NAF1: variants seen among roughly 807,000 people sequenced by gnomAD.
NAF1 encodes nuclear assembly factor 1 ribonucleoprotein.
In NAF1, 11 loss-of-function variants were observed where a neutral mutation model predicts 40.6. The ratio of observed to expected loss-of-function variants is 0.27; its 90% confidence interval spans 0.17 to 0.45. NAF1 has a LOEUF of 0.45. NAF1 is among the 20% of genes least tolerant of loss of function. The pLI, the probability that NAF1 is intolerant of heterozygous loss-of-function variation, is 1.00. For synonymous variants in NAF1, 260 were observed against 228.5 expected, an observed-to-expected ratio of 1.14 and a Z score of -1.24; for missense variants, 607 against 611.1, an observed-to-expected ratio of 0.99 and a Z score of 0.07.
chr4:163,121,477 A>G (rs1730516659), intron 2 of NAF1, among the ~76,000 whole-genome samples: 1 of 152,194 alleles, frequency 6.6e-6, no homozygotes, highest in Non-Finnish European at 1.5e-5. Context: ...TGTAGCTGCA[A>G]CATTACCTGA....
At chr4:163,154,963 A>T (rs2111019160) in intron 2 of NAF1, among the ~76,000 whole-genome samples, 1 of 152,258 alleles carries the variant, frequency 6.6e-6, no homozygotes, top group Admixed American at 6.5e-5. Context: ...GAAGGCACCC[A>T]AGAGATGTGC....
At chr4:163,112,635 G>A (rs1730197757) in intron 2 of NAF1, among the ~76,000 whole-genome samples, 1 of 152,184 alleles carries the variant, frequency 6.6e-6, no homozygotes, top group Non-Finnish European at 1.5e-5. Context: ...CCATAAGTGA[G>A]ATGGACTTTA....
chr4:163,119,446 G>T (rs1730451045), intron 2 of NAF1: 1 of 152,110 alleles, frequency 6.6e-6, no homozygotes, highest in African/African-American at 2.4e-5. Context: ...AATCTCCCGA[G>T]AAAAATGTAC....
Position 163,148,401 on chromosome 4 carries a change from G to A in NAF1, c.574C>T (p.Leu192=), listed in dbSNP as rs1553960622. ...GGCTTTAACTCAATATCTTCAGGCA[G>A]AATAATAGTGAGTTCTTCAACAGAA... is the stretch of plus-strand genomic sequence containing the variant. ...LPSVEELTII[L]PEDIELKPLG... Residue 192 remains leucine, a synonymous_variant, in exon 3 of 8, where the codon CTG becomes TTG. Coordinates refer to ENST00000274054, the MANE Select transcript of NAF1 (RefSeq NM_138386.3). 16 of 1,584,334 alleles carry A rather than the reference G, an allele frequency of 1.0e-5. No homozygotes were observed. Among genetic ancestry groups the A allele is most frequent in the Middle Eastern group, 3.3e-4 (2 of 6,002 alleles).
chr4:163,129,469 G>A, intron 7 of NAF1, 121 bp from the exon 8 acceptor site: 6 of 1,061,210 alleles, frequency 5.7e-6, no homozygotes, highest in South Asian at 3.4e-5. Context: ...TTAAAAAAGT[G>A]TAAGACATAA....
chr4:163,126,943 A>T, downstream of NAF1: 2 of 1,534,706 alleles, frequency 1.3e-6, no homozygotes, highest in Non-Finnish European at 1.8e-6. Context: ...GTATTCTCCA[A>T]TTGAGATATG....
intron 4 of NAF1, among the ~76,000 whole-genome samples, chr4:163,142,601 CATT>C (rs1420876444): frequency 6.6e-6 from 1 of 152,136 alleles, no homozygotes; most frequent in African/African-American, 2.4e-5. Context: ...ATAATGAAAT[CATT>C]ATAAAGTTTT....
chr4:163,166,799 T>C lies in NAF1; in HGVS notation c.-72A>G, dbSNP rs112872141. 3.2e-6 allele frequency: 5 copies of C among 1,571,678 alleles called. No individual in the cohort carries two copies. Among genetic ancestry groups the C allele is most frequent in the Non-Finnish European group, 4.3e-6 (5 of 1,161,424 alleles). On this transcript the variant is annotated 5_prime_UTR_variant, in exon 1 of 8. Transcript: ENST00000274054. ...ACAAGCTCACGGCTCTCTCCAGAAA[T>C]AGAAAAACAACTTAGGCAACCGCAG...
chr4:163,108,254 G>A (rs1327048392), downstream of NAF1, among the ~76,000 whole-genome samples: 1 of 152,156 alleles, frequency 6.6e-6, no homozygotes, highest in African/African-American at 2.4e-5. Flanking sequence ...AGGCAGGGAA[G>A]GATTGTGGAA....
intron 2 of NAF1, among the ~76,000 whole-genome samples, chr4:163,118,664 A>C (rs577072179): frequency 6.6e-6 from 1 of 152,356 alleles, no homozygotes; most frequent in African/African-American, 2.4e-5. Context: ...GAGGCACAAG[A>C]ATCACTTAAA....
exon 3 of NAF1, chr4:163,110,189 C>T: frequency 1.6e-6 from 1 of 644,720 alleles, no homozygotes; most frequent in Non-Finnish European, 2.8e-6. Context: ...GGTAGACTTG[C>T]TGTTACCATC....
downstream of NAF1, chr4:163,109,983 T>C: frequency 2.7e-6 from 1 of 371,898 alleles, no homozygotes. Flanking sequence ...TTTGTATGTC[T>C]CTCATTTTTA....
chr4:163,117,291 C>G (rs1730366827), intron 2 of NAF1: 1 of 152,144 alleles, frequency 6.6e-6, no homozygotes, highest in Non-Finnish European at 1.5e-5. Context: ...ATTATAGCAC[C>G]TAGTGTCTTT....
chr4:163,153,096 G>C (rs1007268422), intron 2 of NAF1, among the ~76,000 whole-genome samples: 2 of 152,208 alleles, frequency 1.3e-5, no homozygotes, highest in South Asian at 2.1e-4. Context: ...GGCAGGGCTC[G>C]GGACCTGCAG....
intron 2 of NAF1, among the ~76,000 whole-genome samples, chr4:163,156,005 CTAAAAA>C (rs1380839587): frequency 3.2e-5 from 4 of 124,790 alleles, no homozygotes; most frequent in African/African-American, 1.1e-4. Context: ...ACCAAGGGTA[CTAAAAA>C]TAAAAGACAA....
chr4:163,127,276 C>T (rs1489011422), downstream of NAF1, among the ~76,000 whole-genome samples: 2 of 152,004 alleles, frequency 1.3e-5, no homozygotes, highest in African/African-American at 2.4e-5. Context: ...ATTACAGGCA[C>T]GTGCCACCAC....
At chr4:163,110,438 A>AT in intron 2 of NAF1, 1 of 604,468 alleles carries the variant, frequency 1.7e-6, no homozygotes, top group Non-Finnish European at 2.9e-6. Flanking sequence ...ATTAATCTTT[A>AT]TCATAGGTAT....
chr4:163,155,288 C>A (rs879590636), intron 2 of NAF1, among the ~76,000 whole-genome samples: 2 of 152,188 alleles, frequency 1.3e-5, no homozygotes, highest in Non-Finnish European at 2.9e-5. Context: ...ATAAATCCAA[C>A]CATAACTAAG....
chr4:163,156,409 G>T lies in NAF1; in HGVS notation c.540+7808C>A, dbSNP rs2111027312. ...TTAGAAAGATTAAAGTATCTGCCTG[G>T]ATACCAACAACCCCTGTTAAAAGAA... On this transcript the variant is annotated intron_variant, in intron 2 of 7. Coordinates refer to ENST00000274054, the MANE Select transcript of NAF1 (RefSeq NM_138386.3). 1.4e-5 allele frequency among the ~76,000 whole-genome samples: 2 copies of T among 145,990 alleles called. 1 individual carries two copies.
Sources: gnomAD v4.1 joint callset for allele counts (sites outside exome capture counted in the v4.1 genomes callset) on GRCh38, gnomAD v4.1.1 for gene constraint, MANE v1.5 for transcripts, NCBI Gene and HGNC (gene_info 2026-07-23, HGNC 2026-07-21) for gene names.